The following SLC14A2 variants were observed in gnomAD, a reference collection of about 807,000 sequenced individuals.
The protein encoded by SLC14A2 is urea transporter 2.
Under a neutral mutation model 104.6 loss-of-function variants are expected in SLC14A2, and 91 were observed. The ratio of observed to expected loss-of-function variants is 0.87; its 90% CI spans 0.73 to 1.04. The LOEUF (loss-of-function observed/expected upper bound fraction) is 1.04. Ranked by LOEUF, SLC14A2 falls within the 50% of genes least tolerant of loss-of-function variation. The pLI, the probability that SLC14A2 is intolerant of heterozygous loss-of-function variation, is 0.00. For missense variants in SLC14A2, 1,189 were observed against 1,156.0 expected (o/e 1.03, Z -0.41); for synonymous variants, 476 against 466.4 (o/e 1.02, Z -0.27).
chr18:45,390,840 C>A (rs56099510), intron 1 of SLC14A2, among the ~76,000 whole-genome samples: 12,834 of 152,136 alleles, frequency 0.084, 658 homozygotes, highest in Non-Finnish European at 0.12. Context: ...TGTTGTTTTG[C>A]CATAAAATTA....
intron 18 of SLC14A2, among the ~76,000 whole-genome samples, chr18:45,675,378 G>A (rs2046208829): frequency 6.6e-6 from 1 of 152,172 alleles, no homozygotes. Context: ...AAAAGGACTT[G>A]CCTGTGGGCA....
At chr18:45,182,096 C>G in the SLC14A2 span, among the ~76,000 whole-genome samples, 2 of 151,842 alleles carry the variant, frequency 1.3e-5, no homozygotes, top group Non-Finnish European at 2.9e-5. Flanking sequence ...AGTAATTAAG[C>G]AGCCAAGTAA....
In SLC14A2 at chr18:45,257,238, C is replaced by T. The variant is rs116089664; in HGVS notation, c.-125+44047C>T. Among the ~76,000 whole-genome samples, 368 of 152,306 alleles carry T rather than the reference C, an allele frequency of 2.4e-3. 3 individuals are homozygous for T. Among genetic ancestry groups the T allele is most frequent in the African/African-American group, 8.3e-3 (346 of 41,566 alleles). The stretch of plus-strand genomic sequence containing the variant: ...ATCACTGCATTTGGATCCATTGACT[C>T]TATAAAGTGGCAATTTGACTTTGGA... On this transcript the variant is annotated intron_variant, in intron 1 of 20. Transcript: ENST00000586448.
At chr18:45,598,179 CAG>C (rs1429996443) in intron 2 of SLC14A2, among the ~76,000 whole-genome samples, 2 of 152,178 alleles carry the variant, frequency 1.3e-5, no homozygotes, top group African/African-American at 4.8e-5. Context: ...AAAATGGAGC[CAG>C]CCAGCCCCGA....
At chr18:45,495,328 A>G in intron 2 of SLC14A2, among the ~76,000 whole-genome samples, 1 of 152,238 alleles carries the variant, frequency 6.6e-6, no homozygotes, top group East Asian at 1.9e-4. Context: ...TCAAACAAGA[A>G]ACAAACAAAA....
At chr18:45,535,691 T>A (rs1483962747) in intron 2 of SLC14A2, among the ~76,000 whole-genome samples, 1 of 152,320 alleles carries the variant, frequency 6.6e-6, no homozygotes, top group South Asian at 2.1e-4. Flanking sequence ...CACTCTTGCA[T>A]GGACACAAAA....
intron 1 of SLC14A2, among the ~76,000 whole-genome samples, chr18:45,234,257 T>G (rs1199217443): frequency 6.6e-6 from 1 of 152,166 alleles, no homozygotes; most frequent in Non-Finnish European, 1.5e-5. Context: ...TCCAAAGGGC[T>G]CATGTAGGGG....
At chr18:45,575,423 C>A (rs2044405579) in intron 2 of SLC14A2, among the ~76,000 whole-genome samples, 1 of 152,204 alleles carries the variant, frequency 6.6e-6, no homozygotes, top group Non-Finnish European at 1.5e-5. Context: ...GGGAACCAAG[C>A]CAAACAAAGC....
chr18:45,580,914 A>G (rs2044481610), intron 2 of SLC14A2, among the ~76,000 whole-genome samples: 1 of 152,148 alleles, frequency 6.6e-6, no homozygotes, highest in Non-Finnish European at 1.5e-5. Context: ...AGACAGATTG[A>G]AGGCAGAAGA....
upstream of SLC14A2, among the ~76,000 whole-genome samples, chr18:45,209,718 C>A (rs780445355): frequency 6.6e-6 from 1 of 151,810 alleles, no homozygotes; most frequent in African/African-American, 2.4e-5. Context: ...ACCTATTTTT[C>A]GAGATTAAGA....
chr18:45,608,442 G>C (rs201837052), intron 2 of SLC14A2, among the ~76,000 whole-genome samples: 1 of 152,194 alleles, frequency 6.6e-6, no homozygotes, highest in African/African-American at 2.4e-5. Context: ...ACATGGCTCC[G>C]GAGTAAGTAG....
chr18:45,311,148 C>A (rs2085074648), intron 1 of SLC14A2, among the ~76,000 whole-genome samples: 1 of 152,144 alleles, frequency 6.6e-6, no homozygotes, highest in Admixed American at 6.5e-5. Flanking sequence ...ACAGCACATA[C>A]TAAAAAGAAA....
chr18:45,323,836 C>T (rs117408312), intron 1 of SLC14A2, among the ~76,000 whole-genome samples: 4,154 of 152,246 alleles, frequency 0.027, 79 homozygotes, highest in Middle Eastern at 0.062. Flanking sequence ...AAAAATGCAT[C>T]CTGTTTTCTG....
rs138174957 is a variant in SLC14A2, at chr18:45,472,184, A to G, written c.-124-11049A>G. On this transcript the variant is annotated intron_variant, in intron 1 of 20. Coordinates refer to the SLC14A2 transcript ENST00000586448. ...AGAATGATGGTTTCCAGCTTCATCC[A>G]TGTCCCCGCAAGGAACATGAACTCA... Among the ~76,000 whole-genome samples the G allele has an allele frequency of 6.6e-3, 1,005 of 151,746 alleles. 9 individuals carry two copies. Among genetic ancestry groups the G allele is most frequent in the Non-Finnish European group, 0.012 (790 of 67,884 alleles).
intron 2 of SLC14A2, among the ~76,000 whole-genome samples, chr18:45,566,497 G>A (rs1055687876): frequency 1.5e-5 from 2 of 132,924 alleles, no homozygotes; most frequent in African/African-American, 2.7e-5. Context: ...CGACATGCAT[G>A]TACATGCGCT....
At chr18:45,565,823 C>G (rs1026472821) in intron 2 of SLC14A2, among the ~76,000 whole-genome samples, 1 of 152,202 alleles carries the variant, frequency 6.6e-6, no homozygotes, top group Non-Finnish European at 1.5e-5. Context: ...GTCCTCCTCC[C>G]TCTGCCTCAG....
At chr18:45,174,832 AC>A in the SLC14A2 span, among the ~76,000 whole-genome samples, 1 of 152,190 alleles carries the variant, frequency 6.6e-6, no homozygotes, top group African/African-American at 2.4e-5. Flanking sequence ...CAGAGAGCTA[AC>A]AGAAAAGGAA....
chr18:45,209,179 A>C (rs1364553988), upstream of SLC14A2, among the ~76,000 whole-genome samples: 32 of 131,482 alleles, frequency 2.4e-4, no homozygotes, highest in African/African-American at 1.0e-3. Flanking sequence ...TATTAAAAAT[A>C]CAAAAAAAAA....
At chr18:45,372,796 A>G (rs2085736896) in intron 1 of SLC14A2, among the ~76,000 whole-genome samples, 1 of 152,358 alleles carries the variant, frequency 6.6e-6, no homozygotes, top group African/African-American at 2.4e-5. Context: ...ATTTTCTAGT[A>G]TCCACGTTTT....
Sources: allele counts gnomAD v4.1 joint callset (sites outside exome capture counted in the v4.1 genomes callset), GRCh38; gene constraint gnomAD v4.1.1; transcripts MANE v1.5; gene names NCBI Gene and HGNC (gene_info 2026-07-23, HGNC 2026-07-21).